Variants in LHFPL4 observed in about 807,000 individuals in gnomAD.
LHFPL4 encodes LHFPL tetraspan subfamily member 4 protein.
LHFPL4 carries 6 observed loss-of-function variants against 20.0 expected under a neutral mutation model. The ratio of observed to expected loss-of-function variants is 0.30; its 90% CI spans 0.16 to 0.59. LHFPL4 has a LOEUF of 0.59. Among genes scored for constraint, LHFPL4 ranks in the 20% least tolerant of loss-of-function variants. LHFPL4 has a pLI of 0.88. For missense variants in LHFPL4, 215 were observed against 331.2 expected (o/e 0.65, Z 2.72); for synonymous variants, 129 against 143.8 (o/e 0.90, Z 0.74).
intron 3 of LHFPL4, among the ~76,000 whole-genome samples, chr3:9,505,333 A>G (rs2046209639): frequency 2.0e-5 from 3 of 151,982 alleles, no homozygotes; most frequent in South Asian, 4.2e-4. Flanking sequence ...CAGTGGCACA[A>G]TCACAGCTCA....
In LHFPL4 at chr3:9,501,781, A is replaced by T; in HGVS notation, c.*430T>A. The T allele has an allele frequency of 6.2e-6, 1 of 161,700 alleles. No individual in the cohort carries two copies. The highest frequency in any genetic ancestry group is 1.3e-5 in the Non-Finnish European group (1 of 74,660). 10.0% of individuals were successfully genotyped at this position (161,700 alleles called of 1,614,324 possible). A position where few individuals can be genotyped will look rare whatever the true frequency, so the allele number is the denominator to read the frequency against. Reference sequence around the variant, plus strand: ...GAAAGAGTCCAGCCCACCCTGGAGCAGTATCTAGAATAAATTTCTTGAAGA... The same window carrying T: ...GAAAGAGTCCAGCCCACCCTGGAGCTGTATCTAGAATAAATTTCTTGAAGA... On this transcript the variant is annotated 3_prime_UTR_variant, in exon 4 of 4. Coordinates refer to ENST00000287585, the MANE Select transcript of LHFPL4 (RefSeq NM_198560.3).
intron 2 of LHFPL4, among the ~76,000 whole-genome samples, chr3:9,539,450 G>A (rs2046463824): frequency 2.1e-5 from 2 of 97,434 alleles, no homozygotes; most frequent in Admixed American, 1.1e-4. Flanking sequence ...GTGAAACTTC[G>A]TCTCAAAAAA....
intron 2 of LHFPL4, among the ~76,000 whole-genome samples, chr3:9,510,754 A>C (rs528414250): frequency 1.3e-5 from 2 of 152,030 alleles, no homozygotes; most frequent in African/African-American, 4.8e-5. Flanking sequence ...CCTGGTCAAC[A>C]TGGTGAAACC....
At chr3:9,517,795 T>G (rs967537850) in intron 2 of LHFPL4, among the ~76,000 whole-genome samples, 98 of 124,042 alleles carry the variant, frequency 7.9e-4, no homozygotes, top group African/African-American at 2.8e-3. Flanking sequence ...GAGGTTGGGT[T>G]TTTTTGTTTT....
intron 2 of LHFPL4, among the ~76,000 whole-genome samples, chr3:9,514,876 T>G (rs1239438102): frequency 2.6e-5 from 4 of 152,330 alleles, no homozygotes; most frequent in Non-Finnish European, 4.4e-5. Context: ...ATTCTGGATA[T>G]GCCATAGTTT....
At chr3:9,520,134 T>C (rs749887082) in intron 2 of LHFPL4, among the ~76,000 whole-genome samples, 1 of 152,074 alleles carries the variant, frequency 6.6e-6, no homozygotes, top group African/African-American at 2.4e-5. Context: ...CTCAAGTTTT[T>C]GTAAGTTGTG....
intron 2 of LHFPL4, among the ~76,000 whole-genome samples, chr3:9,531,384 C>T (rs994226315): frequency 6.6e-6 from 1 of 152,150 alleles, no homozygotes; most frequent in African/African-American, 2.4e-5. Flanking sequence ...ACGAGGTATG[C>T]CTGCATATAC....
intron 3 of LHFPL4, among the ~76,000 whole-genome samples, chr3:9,504,554 G>A (rs957753171): frequency 3.9e-5 from 6 of 152,022 alleles, no homozygotes; most frequent in South Asian, 2.1e-4. Context: ...AGCTGGGCAC[G>A]GTGGCTCACA....
chr3:9,516,169 C>T (rs1179563353), intron 2 of LHFPL4, among the ~76,000 whole-genome samples: 1 of 152,102 alleles, frequency 6.6e-6, no homozygotes, highest in Non-Finnish European at 1.5e-5. Flanking sequence ...CATTGCCAAA[C>T]CCAAGGTAAT....
At chr3:9,549,204 G>A (rs2046536698) in intron 2 of LHFPL4, among the ~76,000 whole-genome samples, 1 of 152,122 alleles carries the variant, frequency 6.6e-6, no homozygotes, top group African/African-American at 2.4e-5. Context: ...TATGCTCCCT[G>A]AGAGCAGGAA....
chr3:9,511,539 G>A (rs1368412014), intron 2 of LHFPL4, among the ~76,000 whole-genome samples: 1 of 152,020 alleles, frequency 6.6e-6, no homozygotes, highest in African/African-American at 2.4e-5. Context: ...TTTTAACTTC[G>A]ATGCATTTAC....
rs1407748279 is a variant in LHFPL4, at chr3:9,506,920, A to G, written c.407-717T>C. ...TAAATTCTTGTCCTTCACCCATCAA[A>G]TGTTTATTGGGCACCATTTTCCTTT... On this transcript the variant is annotated intron_variant, in intron 2 of 3. Coordinates refer to ENST00000287585, the MANE Select transcript of LHFPL4 (RefSeq NM_198560.3). The surrounding 1 kb of genome is among the most constrained non-coding windows in gnomAD (Gnocchi z 4.5). Among the ~76,000 whole-genome samples, 1 of 152,106 alleles carries G rather than the reference A, an allele frequency of 6.6e-6. No individual in the cohort carries two copies. Among genetic ancestry groups the G allele is most frequent in the Non-Finnish European group, 1.5e-5 (1 of 68,020 alleles).
chr3:9,543,729 GTTTTTTTTTTT>G (rs58872967), intron 2 of LHFPL4, among the ~76,000 whole-genome samples: 1 of 119,652 alleles, frequency 8.4e-6, no homozygotes, highest in Admixed American at 9.6e-5. Context: ...TTTGGTTTTG[GTTTTTTTTTTT>G]TTTTTTTTGA....
chr3:9,535,105 A>G (rs1336277770), intron 2 of LHFPL4, among the ~76,000 whole-genome samples: 2 of 152,240 alleles, frequency 1.3e-5, no homozygotes, highest in Non-Finnish European at 2.9e-5. Flanking sequence ...TACTAAAAGT[A>G]TACTGAGGAA....
chr3:9,550,911 A>G (rs1421240931), intron 2 of LHFPL4: 20 of 152,186 alleles, frequency 1.3e-4, no homozygotes, highest in Admixed American at 1.3e-3. Context: ...GGATTTGTAA[A>G]AGTCCTCTTG....
At position 9,504,791 on chromosome 3, in the gene LHFPL4, C is replaced by G. The variant is rs912056366; in HGVS notation, c.643+1176G>C. ...AGTGAGTGGAGATCGCGCCACTGCACTCCAGCCTGGGTGACTGAGTGAGAC... is the reference window on the plus strand; with the variant it reads ...AGTGAGTGGAGATCGCGCCACTGCAGTCCAGCCTGGGTGACTGAGTGAGAC... On this transcript the variant is annotated intron_variant, in intron 3 of 3. Coordinates refer to ENST00000287585, the MANE Select transcript of LHFPL4 (RefSeq NM_198560.3). Among the ~76,000 whole-genome samples the G allele has an allele frequency of 5.0e-4, 75 of 149,308 alleles. 1 individual carries two copies. Among genetic ancestry groups the G allele is most frequent in the Admixed American group, 3.7e-3 (55 of 14,842 alleles).
intron 2 of LHFPL4, among the ~76,000 whole-genome samples, chr3:9,513,610 G>A (rs1204669643): frequency 2.0e-5 from 3 of 152,232 alleles, no homozygotes; most frequent in Non-Finnish European, 4.4e-5. Flanking sequence ...TGGGATTACA[G>A]ATGTAAATTA....
At chr3:9,524,879 T>C (rs1023276055) in intron 2 of LHFPL4, among the ~76,000 whole-genome samples, 1 of 152,170 alleles carries the variant, frequency 6.6e-6, no homozygotes, top group African/African-American at 2.4e-5. Context: ...TTTAGTGATG[T>C]GGTGGTAAGA....
At chr3:9,541,434 G>A (rs1320377629) in intron 2 of LHFPL4, among the ~76,000 whole-genome samples, 2 of 152,186 alleles carry the variant, frequency 1.3e-5, no homozygotes, top group Non-Finnish European at 2.9e-5. Context: ...GCAAAAGAAT[G>A]ATGTTGGACC....
Sources: allele counts gnomAD v4.1 joint callset (sites outside exome capture counted in the v4.1 genomes callset), GRCh38; gene constraint gnomAD v4.1.1; non-coding constraint Gnocchi (gnomAD v3.1); transcripts MANE v1.5; gene names NCBI Gene and HGNC (gene_info 2026-07-23, HGNC 2026-07-21).